Variants in MEP1B observed in about 807,000 individuals in gnomAD.
The protein encoded by MEP1B is N-benzoyl-L-tyrosyl-P-amino-benzoic acid hydrolase subunit beta.
In MEP1B, 80 loss-of-function variants were observed where a neutral mutation model predicts 84.6. That is an observed-to-expected ratio of 0.95 (90% CI 0.79 to 1.14). The LOEUF is 1.14. Ranked by LOEUF, MEP1B falls within the 50% of genes most tolerant of loss-of-function variation. The pLI is 0.00. For missense variants in MEP1B, 766 were observed against 855.1 expected (o/e 0.90, Z 1.30); for synonymous variants, 273 against 288.1 (o/e 0.95, Z 0.53).
intron 5 of MEP1B, among the ~76,000 whole-genome samples, chr18:32,202,184 C>T (rs1244909959): frequency 6.6e-6 from 1 of 152,218 alleles, no homozygotes; most frequent in Non-Finnish European, 1.5e-5. Flanking sequence ...GGCAGGCTCC[C>T]ATCTTTCACG....
chr18:32,215,182 T>A lies in MEP1B; in HGVS notation c.1680T>A (p.Ser560Arg). ...GAAGAGGTGGGGGCTATGGAACCAG[T>A]GCCTTTATAACCCACGAAAGGCTGA... is the stretch of plus-strand genomic sequence containing the variant. ...QFRRGGGYGT[S>R]AFITHERLKS... is the part of the protein sequence containing the mutation. The change falls in exon 12 of 15, where the codon AGT (serine) becomes AGA (arginine). Residue 560 changes from serine to arginine, a missense_variant. Physicochemically the swap from Ser to Arg is moderately radical, Grantham distance 110. Coordinates refer to ENST00000269202, the MANE Select transcript of MEP1B (RefSeq NM_005925.3). 6.2e-7 allele frequency: 1 copy of A among 1,612,732 alleles called. No homozygotes were observed. Among genetic ancestry groups the A allele is most frequent in the Non-Finnish European group, 8.5e-7 (1 of 1,179,136 alleles).
At chr18:32,205,114 A>G (rs561947355) in intron 7 of MEP1B, among the ~76,000 whole-genome samples, 3 of 152,316 alleles carry the variant, frequency 2.0e-5, no homozygotes, top group African/African-American at 7.2e-5. Flanking sequence ...TTGGGTTGAC[A>G]GGAATTGTAA....
At chr18:32,192,557 T>G (rs2144372842) in intron 2 of MEP1B, 89 bp from the exon 3 acceptor site, 1 of 1,212,562 alleles carries the variant, frequency 8.2e-7, no homozygotes, top group East Asian at 2.3e-5. Context: ...CAAAAGAAAC[T>G]TGCTTAGTTC....
chr18:32,195,315 C>T lies in MEP1B; in HGVS notation c.172-92C>T, dbSNP rs753593396. 2.9e-4 allele frequency: 227 copies of T among 776,142 alleles called. 1 individual carries two copies. The highest frequency in any genetic ancestry group is 4.6e-4 in the Non-Finnish European group (210 of 460,272). The allele number at this position is 776,142 out of a possible 1,614,324, so 48.1% of individuals were successfully genotyped here. A position where few individuals can be genotyped will look rare whatever the true frequency, so the allele number is the denominator to read the frequency against. On this transcript the variant is annotated intron_variant, in intron 4 of 14. Transcript: ENST00000269202. ...AATTTGTTTGTGCGAACTGGGAGAGCTTTAAACTTCATTTATTTCTAGATT... is the reference window on the plus strand; with the variant it reads ...AATTTGTTTGTGCGAACTGGGAGAGTTTTAAACTTCATTTATTTCTAGATT...
At position 32,208,244 on chromosome 18, in the gene MEP1B, G is replaced by A. The variant is rs1420850187; in HGVS notation, c.892G>A (p.Asp298Asn). ...VSQVPRGPESDHSNMGQCQGS... is the reference protein window; with the variant it reads ...VSQVPRGPESNHSNMGQCQGS... ...ACAGGTTCCCAGGGGGCCAGAGAGTGATCACTCCAACATGGGCCAGTGCCA... is the reference window on the plus strand; with the variant it reads ...ACAGGTTCCCAGGGGGCCAGAGAGTAATCACTCCAACATGGGCCAGTGCCA... The change falls in exon 9 of 15, where the codon GAT (aspartate) becomes AAT (asparagine). Residue 298 changes from aspartate (D) to asparagine (N), a missense_variant. Coordinates refer to ENST00000269202, the MANE Select transcript of MEP1B (RefSeq NM_005925.3). 6.2e-7 allele frequency: 1 copy of A among 1,613,800 alleles called. No homozygotes were observed. Among genetic ancestry groups the A allele is most frequent in the African/African-American group, 1.3e-5 (1 of 74,912 alleles).
chr18:32,215,025 C>A, intron 11 of MEP1B, 57 bp from the exon 12 acceptor site: 2 of 1,291,950 alleles, frequency 1.5e-6, no homozygotes, highest in Non-Finnish European at 1.1e-6. Context: ...TTCTTTCCTA[C>A]CACCAAAAGC....
chr18:32,213,089 T>G (rs1388384159), intron 10 of MEP1B, 27 bp from the exon 11 acceptor site: 1 of 1,598,186 alleles, frequency 6.3e-7, no homozygotes. Flanking sequence ...CTTCTTTGTC[T>G]TTGAAATAAT....
At chr18:32,201,912 A>T (rs11874395) in intron 5 of MEP1B, among the ~76,000 whole-genome samples, 20,518 of 152,180 alleles carry the variant, frequency 0.13, 2,312 homozygotes, top group African/African-American at 0.31. Context: ...GTTACTCTAG[A>T]AGGGAGAAAG....
chr18:32,190,217 T>G lies in MEP1B; in HGVS notation c.63+84T>G, dbSNP rs567960155. The G allele has an allele frequency of 5.8e-5, 57 of 989,342 alleles. No homozygotes were observed. The African/African-American group carries it at 8.7e-4, about 15-fold the overall frequency. The allele number at this position is 989,342 out of a possible 1,614,324, so 61.3% of individuals were successfully genotyped here. A position where few individuals can be genotyped will look rare whatever the true frequency, so the allele number is the denominator to read the frequency against. ...TTAAAGAACAAGTGTTTTTTTTTTG[T>G]TTGTTTTTTATACATCTTGAAATGT... On this transcript the variant is annotated intron_variant, in intron 1 of 14. Transcript: ENST00000269202.
rs780206234 is a variant in MEP1B at position 32,213,169 on chromosome 18, A to T, written c.1189A>T (p.Lys397Ter). 16 of 1,613,984 alleles carry T rather than the reference A, an allele frequency of 9.9e-6. No individual in the cohort carries two copies. The highest frequency in any genetic ancestry group is 1.4e-5 in the Non-Finnish European group (16 of 1,179,870). Reference protein sequence around the residue: ...LYHVTLKVTKKFRVVFEGRKG... With the variant: ...LYHVTLKVTK ...TCATGTAACATTGAAAGTGACCAAG[A>T]AGTTTAGAGTGGTGTTTGAAGGACG... Residue 397 changes from lysine to a stop codon, truncating the protein, a stop_gained, in exon 11 of 15, where the codon AAG becomes TAG. Transcript: ENST00000269202. LOFTEE classifies it high-confidence loss of function.
intron 9 of MEP1B, 94 bp downstream of exon 9, chr18:32,208,365 C>T: frequency 1.6e-6 from 2 of 1,249,396 alleles, no homozygotes; most frequent in Non-Finnish European, 2.2e-6. Context: ...TAATTTCTAT[C>T]AGAATTATTA....
intron 6 of MEP1B, 95 bp downstream of exon 6, chr18:32,203,105 G>C: frequency 1.5e-6 from 1 of 673,562 alleles, no homozygotes; most frequent in Non-Finnish European, 2.5e-6. Context: ...TGACCTTTAG[G>C]AAGGGGTGGG....
Position 32,202,890 on chromosome 18 carries a change from C to T in MEP1B, c.251-3C>T. The T allele has an allele frequency of 6.3e-7, 1 of 1,579,406 alleles. No homozygotes were observed. The highest frequency in any genetic ancestry group is 8.7e-7 in the Non-Finnish European group (1 of 1,153,014). On this transcript the variant is annotated splice_region_variant and splice_polypyrimidine_tract_variant and intron_variant, in intron 5 of 14. Transcript: ENST00000269202. The stretch of plus-strand genomic sequence containing the variant: ...CTTATTTTTGTTTGTTTTCTTCCTT[C>T]AGAAATGAATGCTAAGGGAGTTATC...
intron 9 of MEP1B, 83 bp downstream of exon 9, chr18:32,208,354 C>G: frequency 7.7e-7 from 1 of 1,306,294 alleles, no homozygotes; most frequent in South Asian, 1.9e-5. Flanking sequence ...GATTTTATCT[C>G]TAATTTCTAT....
At chr18:32,215,685 G>T (rs1183156063) in intron 12 of MEP1B, among the ~76,000 whole-genome samples, 1 of 152,026 alleles carries the variant, frequency 6.6e-6, no homozygotes, top group Non-Finnish European at 1.5e-5. Context: ...TTAGCTGGGC[G>T]TGGTGGCGGG....
At chr18:32,217,737 C>A in intron 13 of MEP1B, 24 bp from the exon 14 acceptor site, 1 of 1,593,882 alleles carries the variant, frequency 6.3e-7, no homozygotes, top group Non-Finnish European at 8.6e-7. Flanking sequence ...ACTAATAACT[C>A]TGAGTCATGC....
chr18:32,219,660 T>C (rs2041129226), intron 14 of MEP1B, among the ~76,000 whole-genome samples: 1 of 152,054 alleles, frequency 6.6e-6, no homozygotes, highest in South Asian at 2.1e-4. Context: ...AAGTATAAAC[T>C]TGCTTAGCAA....
intron 6 of MEP1B, among the ~76,000 whole-genome samples, chr18:32,203,401 T>C (rs1361644147): frequency 2.0e-5 from 3 of 152,254 alleles, no homozygotes; most frequent in Admixed American, 2.0e-4. Flanking sequence ...GACAGTATTA[T>C]TTGTCTTGAG....
rs758052774 is a variant in MEP1B, at chr18:32,213,134, G to C, written c.1154G>C (p.Trp385Ser). Residue 385 changes from tryptophan (W) to serine (S), a missense_variant, in exon 11 of 15, where the codon TGG becomes TCG. Physicochemically the swap from Trp to Ser is radical, Grantham distance 177. Coordinates refer to ENST00000269202, the MANE Select transcript of MEP1B (RefSeq NM_005925.3). ...TTTGCAGAAATACCCACTGGGAGCT[G>C]GCAACTTTATCATGTAACATTGAAA... ...EEIKEIPTGS[W>S]QLYHVTLKVT... The C allele has an allele frequency of 1.2e-6, 2 of 1,613,356 alleles. No homozygotes were observed. Among genetic ancestry groups the C allele is most frequent in the African/African-American group, 2.7e-5 (2 of 74,918 alleles).
Sources: allele counts gnomAD v4.1 joint callset (sites outside exome capture counted in the v4.1 genomes callset), GRCh38; gene constraint gnomAD v4.1.1; transcripts MANE v1.5; gene names NCBI Gene and HGNC (gene_info 2026-07-23, HGNC 2026-07-21).